Variants in ESR2 observed in about 807,000 individuals in gnomAD.
ESR2 encodes estrogen receptor beta.
ESR2 carries 36 observed loss-of-function variants against 49.6 expected under a neutral mutation model. That is an observed-to-expected ratio of 0.73 (90% confidence interval 0.56 to 0.96). The LOEUF is 0.96. ESR2 is among the 40% of genes least tolerant of loss of function. ESR2 has a pLI of 0.00. For synonymous variants in ESR2, 320 were observed against 266.1 expected (o/e 1.20, Z -1.97); for missense variants, 714 against 693.0 (o/e 1.03, Z -0.34).
chr14:64,277,622 C>A (rs1354581044), intron 3 of ESR2, among the ~76,000 whole-genome samples: 9 of 86,580 alleles, frequency 1.0e-4, no homozygotes, highest in Non-Finnish European at 1.3e-4. Flanking sequence ...GAGACTCCAT[C>A]TCCAAAAAAA....
At chr14:64,305,086 C>T (rs1352808481) in intron 1 of ESR2, among the ~76,000 whole-genome samples, 3 of 151,202 alleles carry the variant, frequency 2.0e-5, no homozygotes, top group Non-Finnish European at 4.4e-5. Context: ...GTCAGGAGAT[C>T]GAGACCAACC....
At chr14:64,248,527 A>G (rs1174400452) in intron 7 of ESR2, among the ~76,000 whole-genome samples, 1 of 151,642 alleles carries the variant, frequency 6.6e-6, no homozygotes, top group African/African-American at 2.4e-5. Flanking sequence ...AAAAAAGAAA[A>G]AAAAAAAGAA....
intron 1 of ESR2, among the ~76,000 whole-genome samples, chr14:64,307,734 A>G (rs1596479699): frequency 6.6e-6 from 1 of 151,176 alleles, no homozygotes; most frequent in East Asian, 2.0e-4. Flanking sequence ...ACTGGGTTAC[A>G]CTGTGTTAGC....
chr14:64,329,755 C>G (rs1000886035), intron 1 of ESR2: 1 of 152,232 alleles, frequency 6.6e-6, no homozygotes, highest in African/African-American at 2.4e-5. Flanking sequence ...GATAACATCT[C>G]TTTATTCTAA....
intron 3 of ESR2, among the ~76,000 whole-genome samples, chr14:64,275,260 T>C (rs1449295677): frequency 6.6e-6 from 1 of 152,218 alleles, no homozygotes; most frequent in African/African-American, 2.4e-5. Context: ...ATTTGCTTTA[T>C]ATATCTGTGT....
intron 4 of ESR2, among the ~76,000 whole-genome samples, chr14:64,262,975 A>C (rs1279581805): frequency 6.6e-6 from 1 of 152,184 alleles, no homozygotes; most frequent in African/African-American, 2.4e-5. Flanking sequence ...GAAAAAGAAA[A>C]CATAAAAATG....
intron 5 of ESR2, 115 bp downstream of exon 5, chr14:64,260,334 C>T: frequency 9.8e-7 from 1 of 1,025,168 alleles, no homozygotes; most frequent in Non-Finnish European, 1.5e-6. Flanking sequence ...CAGCTGAGGA[C>T]CTGTTAAATA....
At chr14:64,337,931 G>A (rs1040429719) in exon 1 of ESR2, 1 of 152,524 alleles carries the variant, frequency 6.6e-6, no homozygotes, top group Non-Finnish European at 1.5e-5. Context: ...TGTAACCTGA[G>A]CGCGGTTCCT....
At chr14:64,333,647 A>G (rs1411895452) in intron 1 of ESR2, among the ~76,000 whole-genome samples, 1 of 152,182 alleles carries the variant, frequency 6.6e-6, no homozygotes, top group East Asian at 1.9e-4. Context: ...GCAAGGTAGA[A>G]TGAGAGCCAA....
intron 3 of ESR2, among the ~76,000 whole-genome samples, chr14:64,276,884 G>T: frequency 6.6e-6 from 1 of 152,142 alleles, no homozygotes; most frequent in East Asian, 1.9e-4. Context: ...CATATTCAAG[G>T]AATTGGTAAG....
intron 1 of ESR2, among the ~76,000 whole-genome samples, chr14:64,326,360 T>C (rs9788467): frequency 0.016 from 2,392 of 152,244 alleles, 66 homozygotes; most frequent in East Asian, 0.087. Flanking sequence ...GGGGTCACAG[T>C]AGATGATCGA....
intron 1 of ESR2, among the ~76,000 whole-genome samples, chr14:64,331,994 C>T (rs527630060): frequency 6.6e-6 from 1 of 152,288 alleles, no homozygotes; most frequent in South Asian, 2.1e-4. Context: ...TAGAGCCTCA[C>T]TCTGTAGTCT....
intron 1 of ESR2, chr14:64,303,551 T>C (rs1267746217): frequency 6.6e-6 from 1 of 152,158 alleles, no homozygotes; most frequent in African/African-American, 2.4e-5. Context: ...CAGTCCTGGA[T>C]AGCGTTAAGG....
At chr14:64,261,235 T>TTA (rs1555577176) in intron 4 of ESR2, among the ~76,000 whole-genome samples, 2 of 84,074 alleles carry the variant, frequency 2.4e-5, no homozygotes, top group Non-Finnish European at 4.7e-5. Context: ...TATTTTTCTT[T>TTA]TTTCTTTTTT....
intron 7 of ESR2, among the ~76,000 whole-genome samples, chr14:64,247,949 G>T (rs900708676): frequency 1.3e-5 from 2 of 151,744 alleles, no homozygotes; most frequent in African/African-American, 4.9e-5. Flanking sequence ...ACCCAGAATG[G>T]TTTCACAGCA....
intron 3 of ESR2, among the ~76,000 whole-genome samples, chr14:64,272,895 T>A (rs1230016722): frequency 6.6e-6 from 1 of 152,228 alleles, no homozygotes; most frequent in South Asian, 2.1e-4. Flanking sequence ...TTTTTTCTAT[T>A]TCTGTGAAAA....
At chr14:64,247,818 T>C (rs2075895824) in intron 7 of ESR2, among the ~76,000 whole-genome samples, 1 of 152,200 alleles carries the variant, frequency 6.6e-6, no homozygotes. Context: ...CTCTATTTAT[T>C]GCAGTAATGT....
intron 1 of ESR2, among the ~76,000 whole-genome samples, chr14:64,314,553 C>T (rs1262141570): frequency 6.6e-6 from 1 of 150,748 alleles, no homozygotes; most frequent in Non-Finnish European, 1.5e-5. Flanking sequence ...ATAGAAAAAC[C>T]AATGAAACAA....
chr14:64,317,977 C>A (rs1184061045), intron 1 of ESR2, among the ~76,000 whole-genome samples: 1 of 151,960 alleles, frequency 6.6e-6, no homozygotes, highest in African/African-American at 2.4e-5. Flanking sequence ...TTATTCAGTA[C>A]AATGCTAGAA....
Sources: allele counts gnomAD v4.1 joint callset (sites outside exome capture counted in the v4.1 genomes callset), GRCh38; gene constraint gnomAD v4.1.1; transcripts MANE v1.5; gene names NCBI Gene and HGNC (gene_info 2026-07-23, HGNC 2026-07-21).